The following HNRNPUL1 variants were observed in gnomAD, a reference collection of about 807,000 sequenced individuals.
HNRNPUL1 encodes the protein heterogeneous nuclear ribonucleoprotein U like 1.
HNRNPUL1 carries 14 observed loss-of-function variants against 108.5 expected under a neutral mutation model. The ratio of observed to expected loss-of-function variants is 0.13; its 90% CI spans 0.09 to 0.20. The LOEUF (loss-of-function observed/expected upper bound fraction) is 0.20. HNRNPUL1 is among the 10% of genes least tolerant of loss of function. The probability of loss-of-function intolerance (pLI) is 1.00; values close to 1 mark genes in which losing one functional copy is unlikely to be tolerated. For synonymous variants in HNRNPUL1, 422 were observed against 445.2 expected, an observed-to-expected ratio of 0.95 and a Z score of 0.66; for missense variants, 804 against 1,168.3, an observed-to-expected ratio of 0.69 and a Z score of 4.55.
At position 41,279,069 on chromosome 19, in the gene HNRNPUL1, T is replaced by C; in HGVS notation, c.787-8T>C. ...GCAACCCTGAGCCCTTTTGTCCTCT[T>C]TCCTCAGATCAATGAGGAAATCTCC... On this transcript the variant is annotated splice_region_variant and splice_polypyrimidine_tract_variant and intron_variant, in intron 5 of 14. Coordinates refer to ENST00000392006, the MANE Select transcript of HNRNPUL1 (RefSeq NM_007040.6). 2 of 1,611,734 alleles carry C rather than the reference T, an allele frequency of 1.2e-6. No homozygotes were observed. Among genetic ancestry groups the C allele is most frequent in the Non-Finnish European group, 1.7e-6 (2 of 1,177,874 alleles).
intron 10 of HNRNPUL1, among the ~76,000 whole-genome samples, chr19:41,299,120 T>G (rs2037053404): frequency 6.6e-6 from 1 of 152,158 alleles, no homozygotes; most frequent in Non-Finnish European, 1.5e-5. Context: ...GGACTTAACT[T>G]TTCCTCTGTA....
At chr19:41,279,050 C>T (rs763884615) in intron 5 of HNRNPUL1, 27 bp from the exon 6 acceptor site, 1 of 1,569,424 alleles carries the variant, frequency 6.4e-7, no homozygotes, top group South Asian at 1.1e-5. Context: ...AGAAGCAACC[C>T]TGAGCCCTTT....
intron 1 of HNRNPUL1, chr19:41,265,115 A>C (rs1568424591): frequency 1.4e-6 from 2 of 1,418,764 alleles, no homozygotes; most frequent in East Asian, 5.5e-5. Context: ...AGTCGGAAGA[A>C]CAAGAGGTTT....
Position 41,305,796 on chromosome 19 carries a change from G to A in HNRNPUL1, c.2383G>A (p.Ala795Thr). Residue 795 changes from alanine to threonine, a missense_variant, in exon 14 of 15, where the codon GCC becomes ACC. Physicochemically the swap from Ala to Thr is moderately conservative, Grantham distance 58. Transcript: ENST00000392006. ...TGGGAGCTACGGCGGTTACAACCCG[G>A]CCCCCTATACCCCACCGCCACCCCC... ...NYGSYGGYNP[A>T]PYTPPPPPTA... The A allele has an allele frequency of 6.2e-7, 1 of 1,611,456 alleles. No homozygotes were observed. Among genetic ancestry groups the A allele is most frequent in the Non-Finnish European group, 8.5e-7 (1 of 1,178,042 alleles).
chr19:41,295,459 CT>C lies in HNRNPUL1; in HGVS notation c.1518+774del, dbSNP rs201944620. 8.3e-4 allele frequency among the ~76,000 whole-genome samples: 127 copies of C among 152,354 alleles called. 1 individual carries two copies. The East Asian group carries it at 0.023, about 27-fold the overall frequency. On this transcript the variant is annotated intron_variant, in intron 10 of 14. Coordinates refer to ENST00000392006, the MANE Select transcript of HNRNPUL1 (RefSeq NM_007040.6). ...GTGACCCAAAAATCATTACAGATTC[CT>C]GTCTCAGAGTAATGAGTTCCACATG... is the stretch of plus-strand genomic sequence containing the variant.
chr19:41,264,446 G>C lies in HNRNPUL1; in HGVS notation c.-58G>C, dbSNP rs909631795. ...CGCCTCCTGACAGGAAAGGTTTAAGGGGGACAGAGCCCTGGGAGGCCGGGC... is the reference window on the plus strand; with the variant it reads ...CGCCTCCTGACAGGAAAGGTTTAAGCGGGACAGAGCCCTGGGAGGCCGGGC... On this transcript the variant is annotated 5_prime_UTR_variant, in exon 1 of 15. Transcript: ENST00000392006. 7 of 1,311,686 alleles carry C rather than the reference G, an allele frequency of 5.3e-6. No individual in the cohort carries two copies. The highest frequency in any genetic ancestry group is 6.8e-6 in the Non-Finnish European group (7 of 1,024,384). The allele number at this position is 1,311,686 out of a possible 1,614,324, so 81.3% of individuals were successfully genotyped here.
chr19:41,302,849 T>C lies in HNRNPUL1; in HGVS notation c.1872T>C (p.Gly624=). 1 of 1,588,442 alleles carries C rather than the reference T, an allele frequency of 6.3e-7. No individual in the cohort carries two copies. Among genetic ancestry groups the C allele is most frequent in the Non-Finnish European group, 8.6e-7 (1 of 1,165,546 alleles). ...GGGFRGRGGG[G]GFQRYENRGP... is the part of the protein sequence containing the mutation. ...GCTTCCGGGGCCGCGGGGGTGGTGG[T>C]GGCTTCCAGCGCTATGAAAACCGAG... The change falls in exon 12 of 15, where the codon GGT becomes GGC. Residue 624 remains glycine, a synonymous_variant. Coordinates refer to ENST00000392006, the MANE Select transcript of HNRNPUL1 (RefSeq NM_007040.6).
rs1421200671 is a variant in HNRNPUL1, at chr19:41,271,894, C to T, written c.419-188C>T. Among the ~76,000 whole-genome samples, 4 of 152,176 alleles carry T rather than the reference C, an allele frequency of 2.6e-5. No individual in the cohort carries two copies. In the South Asian group the frequency reaches 8.3e-4, roughly 32 times the overall value. ...GGTCATGGTATCTCAGATCCTAACCCTGTTCTCCAGTATGGCCTTCTTGGC... is the reference window on the plus strand; with the variant it reads ...GGTCATGGTATCTCAGATCCTAACCTTGTTCTCCAGTATGGCCTTCTTGGC... On this transcript the variant is annotated intron_variant, in intron 2 of 14. Coordinates refer to ENST00000392006, the MANE Select transcript of HNRNPUL1 (RefSeq NM_007040.6).
chr19:41,290,589 C>A (rs1476627267), intron 7 of HNRNPUL1, among the ~76,000 whole-genome samples: 2 of 152,200 alleles, frequency 1.3e-5, no homozygotes, highest in East Asian at 3.8e-4. Flanking sequence ...GCTCACATTC[C>A]TTGTGTGCTC....
intron 4 of HNRNPUL1, among the ~76,000 whole-genome samples, chr19:41,275,036 T>G (rs2035467080): frequency 6.6e-6 from 1 of 152,056 alleles, no homozygotes; most frequent in African/African-American, 2.4e-5. Flanking sequence ...CTTGGAGGCG[T>G]GACTGGCTCC....
intron 10 of HNRNPUL1, among the ~76,000 whole-genome samples, chr19:41,296,191 A>T (rs1415636527): frequency 7.9e-5 from 12 of 152,192 alleles, no homozygotes; most frequent in Admixed American, 7.8e-4. Flanking sequence ...TATGTGGCCT[A>T]GGGGAGAATG....
intron 7 of HNRNPUL1, among the ~76,000 whole-genome samples, chr19:41,283,599 G>C (rs1470971830): frequency 1.3e-5 from 2 of 152,166 alleles, no homozygotes; most frequent in Admixed American, 1.3e-4. Context: ...GGGATTACAG[G>C]TGCACGCCAC....
At position 41,288,585 on chromosome 19, in the gene HNRNPUL1, T is replaced by C. The variant is rs147856404; in HGVS notation, c.1000-3660T>C. 2.6e-4 allele frequency among the ~76,000 whole-genome samples: 40 copies of C among 152,298 alleles called. No homozygotes were observed. The East Asian group carries it at 7.2e-3, about 27-fold the overall frequency. ...TATGGTACTACCAAGAGAGCTTCTT[T>C]GTACTTTTATATTGTCTGTAGTCAT... On this transcript the variant is annotated intron_variant, in intron 7 of 14. Transcript: ENST00000392006.
chr19:41,293,124 C>T (rs2036686820), intron 8 of HNRNPUL1, among the ~76,000 whole-genome samples: 1 of 152,108 alleles, frequency 6.6e-6, no homozygotes, highest in South Asian at 2.1e-4. Flanking sequence ...GATTTGATTC[C>T]AAGAGCTATA....
intron 7 of HNRNPUL1, among the ~76,000 whole-genome samples, chr19:41,289,716 T>TTC (rs2036469979): frequency 6.8e-6 from 1 of 147,228 alleles, no homozygotes; most frequent in East Asian, 2.0e-4. Flanking sequence ...CCATGGTCTT[T>TTC]TTTTTTTTTT....
chr19:41,283,246 G>A lies in HNRNPUL1; in HGVS notation c.999+1971G>A, dbSNP rs560845134. Reference sequence around the variant, plus strand: ...GGTACCATTCACAGTTGAGAGAAATGTAAACAAACAGTACAGTATTAAATC... The same window carrying A: ...GGTACCATTCACAGTTGAGAGAAATATAAACAAACAGTACAGTATTAAATC... On this transcript the variant is annotated intron_variant, in intron 7 of 14. Transcript: ENST00000392006. Among the ~76,000 whole-genome samples, 6 of 152,104 alleles carry A rather than the reference G, an allele frequency of 3.9e-5. No individual in the cohort carries two copies. In the South Asian group the frequency reaches 8.3e-4, roughly 21 times the overall value.
At chr19:41,285,853 C>T (rs117094523) in intron 7 of HNRNPUL1, among the ~76,000 whole-genome samples, 1 of 152,130 alleles carries the variant, frequency 6.6e-6, no homozygotes, top group Non-Finnish European at 1.5e-5. Flanking sequence ...CAAAAATCCA[C>T]GTATAGTTTT....
At chr19:41,279,900 A>T (rs1410398736) in intron 6 of HNRNPUL1, among the ~76,000 whole-genome samples, 3 of 152,366 alleles carry the variant, frequency 2.0e-5, no homozygotes, top group South Asian at 4.1e-4. Context: ...ACTGGATCAC[A>T]CTAGGACTAC....
chr19:41,289,146 A>G (rs1019369501), intron 7 of HNRNPUL1, among the ~76,000 whole-genome samples: 3 of 151,868 alleles, frequency 2.0e-5, no homozygotes, highest in Admixed American at 6.6e-5. Flanking sequence ...GCAGTATGGA[A>G]CTCTAGGCCT....
Sources: gnomAD v4.1 joint callset for allele counts (sites outside exome capture counted in the v4.1 genomes callset) on GRCh38, gnomAD v4.1.1 for gene constraint, MANE v1.5 for transcripts, NCBI Gene and HGNC (gene_info 2026-07-23, HGNC 2026-07-21) for gene names.